Variants in HDAC8 observed in about 807,000 individuals in gnomAD.
HDAC8 encodes the protein histone deacetylase 8.
A neutral mutation model predicts 32.2 loss-of-function variants in HDAC8; 1 was observed. The ratio of observed to expected loss-of-function variants is 0.03; its 90% CI spans 0.01 to 0.15. The LOEUF is 0.15. HDAC8 is among the 10% of genes least tolerant of loss of function. The pLI, the probability that HDAC8 is intolerant of heterozygous loss-of-function variation, is 1.00. For missense variants in HDAC8, 117 were observed against 300.0 expected (o/e 0.39, Z 4.51); for synonymous variants, 108 against 113.9 (o/e 0.95, Z 0.33).
chrX:72,364,387 C>T (rs1419131238), intron 9 of HDAC8, among the ~76,000 whole-genome samples: 1 of 111,555 alleles, frequency 9.0e-6, no homozygotes, highest in African/African-American at 3.3e-5. Flanking sequence ...ATGTGGAGAT[C>T]CTACATCTCT....
chrX:72,464,286 G>A (rs556645095), intron 8 of HDAC8, among the ~76,000 whole-genome samples: 4 of 111,857 alleles, frequency 3.6e-5, no homozygotes, highest in East Asian at 2.8e-4. Flanking sequence ...TTTAAGATTC[G>A]AGGTAACCTT....
chrX:72,374,646 T>C (rs1459554219), intron 9 of HDAC8, among the ~76,000 whole-genome samples: 5 of 109,677 alleles, frequency 4.6e-5, no homozygotes, highest in Admixed American at 9.7e-5. Context: ...CACTACAGCC[T>C]GGGTGATGGG....
chrX:72,560,535 G>A (rs1556117453), intron 4 of HDAC8, among the ~76,000 whole-genome samples: 2 of 72,733 alleles, frequency 2.7e-5, no homozygotes, highest in South Asian at 9.9e-4. Context: ...CCCCCTCTCC[G>A]AGAAACACCA....
intron 9 of HDAC8, among the ~76,000 whole-genome samples, chrX:72,359,702 G>T (rs898316521): frequency 7.2e-5 from 8 of 110,747 alleles, no homozygotes; most frequent in Non-Finnish European, 1.5e-4. Flanking sequence ...TACAAGGTGG[G>T]GGACAAAAAA....
At chrX:72,531,175 G>A (rs1332920602) in intron 4 of HDAC8, among the ~76,000 whole-genome samples, 1 of 112,246 alleles carries the variant, frequency 8.9e-6, no homozygotes, top group Non-Finnish European at 1.9e-5. Flanking sequence ...TATTTTGTAT[G>A]TGAAGGGTAG....
At chrX:72,533,274 T>G (rs1259846378) in intron 4 of HDAC8, among the ~76,000 whole-genome samples, 1 of 111,912 alleles carries the variant, frequency 8.9e-6, no homozygotes, top group African/African-American at 3.2e-5. Flanking sequence ...TTATGGTAAG[T>G]TTTGAAATTG....
intron 4 of HDAC8, among the ~76,000 whole-genome samples, chrX:72,526,870 T>C (rs1334107321): frequency 9.0e-6 from 1 of 111,028 alleles, no homozygotes; most frequent in African/African-American, 3.3e-5. Flanking sequence ...CTTTGGCCCC[T>C]CCTTCTTATT....
chrX:72,357,337 A>G (rs2044399316), intron 9 of HDAC8, among the ~76,000 whole-genome samples: 1 of 108,859 alleles, frequency 9.2e-6, no homozygotes, highest in South Asian at 4.1e-4. Context: ...GACACAATGC[A>G]TGTCATAGAT....
intron 9 of HDAC8, among the ~76,000 whole-genome samples, chrX:72,444,179 C>T (rs2047287685): frequency 9.9e-6 from 1 of 100,889 alleles, no homozygotes; most frequent in Admixed American, 1.1e-4. Context: ...CTCCCTAACT[C>T]ATTTTATGAG....
chrX:72,523,453 C>A (rs371167115), intron 4 of HDAC8, among the ~76,000 whole-genome samples: 2 of 111,689 alleles, frequency 1.8e-5, no homozygotes, highest in East Asian at 2.8e-4. Flanking sequence ...CTTTGCCTCT[C>A]ACCCGTTTCT....
intron 4 of HDAC8, among the ~76,000 whole-genome samples, chrX:72,533,964 C>G (rs1569379593): frequency 9.0e-6 from 1 of 110,800 alleles, no homozygotes; most frequent in Non-Finnish European, 1.9e-5. Flanking sequence ...TGCCCACTTT[C>G]ACCACTTCTA....
At chrX:72,562,649 C>T (rs782631559) in intron 4 of HDAC8, among the ~76,000 whole-genome samples, 24 of 109,829 alleles carry the variant, frequency 2.2e-4, no homozygotes, top group Middle Eastern at 4.8e-3. Flanking sequence ...TGTAACCAAA[C>T]GCCACCTGTT....
At chrX:72,537,077 G>C (rs782275116) in intron 4 of HDAC8, among the ~76,000 whole-genome samples, 1 of 112,270 alleles carries the variant, frequency 8.9e-6, no homozygotes, top group East Asian at 2.8e-4. Flanking sequence ...GGTGCAGCCA[G>C]TAGTAGCATT....
At chrX:72,547,962 G>A (rs1042742054) in intron 4 of HDAC8, among the ~76,000 whole-genome samples, 4 of 111,243 alleles carry the variant, frequency 3.6e-5, no homozygotes, top group Non-Finnish European at 7.5e-5. Flanking sequence ...ATCTCTTAAA[G>A]CTGTCTCAAA....
intron 9 of HDAC8, among the ~76,000 whole-genome samples, chrX:72,440,048 T>G (rs1275657437): frequency 8.9e-6 from 1 of 112,142 alleles, no homozygotes; most frequent in Non-Finnish European, 1.9e-5. Context: ...ATTGCACTTA[T>G]TCCAAAATTG....
chrX:72,525,567 C>T (rs1016599007), intron 4 of HDAC8, among the ~76,000 whole-genome samples: 2 of 110,147 alleles, frequency 1.8e-5, no homozygotes, highest in Non-Finnish European at 3.8e-5. Context: ...AATCCCTGTC[C>T]TCTTGGGAGG....
intron 7 of HDAC8, among the ~76,000 whole-genome samples, chrX:72,468,807 TTTCA>T (rs1178453538): frequency 1.8e-5 from 2 of 112,193 alleles, no homozygotes; most frequent in Non-Finnish European, 1.9e-5. Context: ...CATTCATTCA[TTTCA>T]TTCATTCATT....
chrX:72,450,567 C>A (rs1022504397), intron 9 of HDAC8, among the ~76,000 whole-genome samples: 5 of 110,717 alleles, frequency 4.5e-5, no homozygotes, highest in Admixed American at 1.9e-4. Context: ...GTCTGTGAAT[C>A]TATAATCTTT....
intron 4 of HDAC8, among the ~76,000 whole-genome samples, chrX:72,543,269 A>C (rs782510555): frequency 9.0e-6 from 1 of 111,314 alleles, no homozygotes; most frequent in African/African-American, 3.3e-5. Flanking sequence ...AGAGGCCTGG[A>C]TGGAGGGGTA....
Sources: gnomAD v4.1 joint callset for allele counts (sites outside exome capture counted in the v4.1 genomes callset) on GRCh38, gnomAD v4.1.1 for gene constraint, MANE v1.5 for transcripts, NCBI Gene and HGNC (gene_info 2026-07-23, HGNC 2026-07-21) for gene names.